Variants in DLG2 observed in about 807,000 individuals in gnomAD.
DLG2 encodes discs large MAGUK scaffold protein 2.
DLG2 carries 45 observed loss-of-function variants against 132.5 expected under a neutral mutation model. The ratio of observed to expected loss-of-function variants is 0.34; its 90% CI spans 0.27 to 0.44. The LOEUF is 0.44. Among genes scored for constraint, DLG2 ranks in the 20% least tolerant of loss-of-function variants. The pLI, the probability that DLG2 is intolerant of heterozygous loss-of-function variation, is 1.00. For synonymous variants in DLG2, 424 were observed against 419.6 expected, an observed-to-expected ratio of 1.01 and a Z score of -0.13; for missense variants, 1,045 against 1,196.9, an observed-to-expected ratio of 0.87 and a Z score of 1.87.
intron 3 of DLG2, among the ~76,000 whole-genome samples, chr11:85,358,759 T>C (rs898442126): frequency 3.9e-5 from 6 of 152,200 alleles, no homozygotes; most frequent in Non-Finnish European, 5.9e-5. Flanking sequence ...AATTAGTAGA[T>C]ATCTGATAAA....
At chr11:83,951,817 A>G (rs1366788821) in intron 14 of DLG2, among the ~76,000 whole-genome samples, 1 of 152,212 alleles carries the variant, frequency 6.6e-6, no homozygotes, top group Non-Finnish European at 1.5e-5. Flanking sequence ...TGAGTAACAA[A>G]GGCAAAAATG....
chr11:85,501,888 T>C (rs766299574), intron 3 of DLG2, among the ~76,000 whole-genome samples: 4 of 152,120 alleles, frequency 2.6e-5, no homozygotes, highest in Non-Finnish European at 5.9e-5. Flanking sequence ...GAACTAGAAA[T>C]ACCATTTGAC....
chr11:84,480,477 A>C (rs2099133961), intron 7 of DLG2, among the ~76,000 whole-genome samples: 1 of 152,170 alleles, frequency 6.6e-6, no homozygotes, highest in African/African-American at 2.4e-5. Context: ...CCCTGTAGAT[A>C]ATTCCTTCAC....
At chr11:83,880,596 G>C (rs190229926) in intron 15 of DLG2, among the ~76,000 whole-genome samples, 4 of 152,286 alleles carry the variant, frequency 2.6e-5, no homozygotes, top group African/African-American at 9.6e-5. Flanking sequence ...AAAATAGACA[G>C]ACTCTGGTGT....
chr11:85,089,234 G>A (rs909174873), intron 6 of DLG2, among the ~76,000 whole-genome samples: 2 of 151,948 alleles, frequency 1.3e-5, no homozygotes, highest in Non-Finnish European at 2.9e-5. Context: ...CGTCATCCAG[G>A]TAGTGACTGC....
At chr11:85,181,258 G>GTA (rs1300375554) in intron 4 of DLG2, among the ~76,000 whole-genome samples, 3 of 151,200 alleles carry the variant, frequency 2.0e-5, no homozygotes, top group African/African-American at 7.3e-5. Flanking sequence ...GTATATATGT[G>GTA]TATATATATG....
intron 18 of DLG2, chr11:83,684,671 A>G (rs1280814143): frequency 6.6e-6 from 1 of 152,102 alleles, no homozygotes; most frequent in Non-Finnish European, 1.5e-5. Context: ...TACTTCCTAT[A>G]TGTCTGAAGT....
intron 16 of DLG2, among the ~76,000 whole-genome samples, chr11:83,839,061 G>A (rs1276933537): frequency 6.6e-6 from 1 of 152,018 alleles, no homozygotes; most frequent in African/African-American, 2.4e-5. Flanking sequence ...ACCCATCTGG[G>A]GGCATTTTGT....
chr11:85,593,712 T>C (rs1334071002), intron 3 of DLG2, among the ~76,000 whole-genome samples: 1 of 152,184 alleles, frequency 6.6e-6, no homozygotes, highest in African/African-American at 2.4e-5. Context: ...GATTAATAAT[T>C]AAGACCAAAA....
intron 6 of DLG2, among the ~76,000 whole-genome samples, chr11:85,051,271 G>T (rs1160809176): frequency 1.3e-5 from 2 of 152,028 alleles, no homozygotes; most frequent in Admixed American, 6.6e-5. Flanking sequence ...ATATATACTT[G>T]CAGTAAAAGC....
chr11:85,555,940 T>C (rs1384812812), intron 3 of DLG2, among the ~76,000 whole-genome samples: 2 of 151,856 alleles, frequency 1.3e-5, no homozygotes, highest in Non-Finnish European at 2.9e-5. Flanking sequence ...TATTTGAGCC[T>C]CAACCATCTG....
rs191212256 is a variant in DLG2, at chr11:85,365,983, A to T, written c.41-80618T>A. ...AGCATTAGGAGAAACACCTAATGTCAGGTTGATGGGTGCAGCAAACCACCA... is the reference window on the plus strand; with the variant it reads ...AGCATTAGGAGAAACACCTAATGTCTGGTTGATGGGTGCAGCAAACCACCA... On this transcript the variant is annotated intron_variant, in intron 3 of 27. Coordinates refer to ENST00000376104, the MANE Select transcript of DLG2 (RefSeq NM_001142699.3). 2.4e-3 allele frequency among the ~76,000 whole-genome samples: 370 copies of T among 152,260 alleles called. 5 individuals carry two copies. Among genetic ancestry groups the T allele is most frequent in the Admixed American group, 0.021 (315 of 15,278 alleles).
intron 20 of DLG2, among the ~76,000 whole-genome samples, chr11:83,534,631 G>A (rs766353166): frequency 3.3e-5 from 5 of 152,124 alleles, no homozygotes; most frequent in East Asian, 1.9e-4. Flanking sequence ...CAACTCTAAC[G>A]TAATATATTA....
intron 8 of DLG2, among the ~76,000 whole-genome samples, chr11:84,239,565 T>C (rs1190493621): frequency 6.6e-6 from 1 of 152,158 alleles, no homozygotes; most frequent in Non-Finnish European, 1.5e-5. Context: ...AGGAATATGG[T>C]AAATACTAAT....
intron 3 of DLG2, among the ~76,000 whole-genome samples, chr11:85,465,972 T>C (rs951914087): frequency 6.7e-4 from 102 of 152,192 alleles, no homozygotes; most frequent in Non-Finnish European, 1.3e-3. Context: ...CACCTGTTGT[T>C]TCCTGACTTT....
At chr11:85,503,279 T>C (rs1390150287) in intron 3 of DLG2, among the ~76,000 whole-genome samples, 1 of 152,134 alleles carries the variant, frequency 6.6e-6, no homozygotes, top group Non-Finnish European at 1.5e-5. Flanking sequence ...GACACTTCTT[T>C]TCTTACTCCC....
chr11:84,165,803 C>T (rs1275048189), intron 8 of DLG2, among the ~76,000 whole-genome samples: 2 of 152,072 alleles, frequency 1.3e-5, no homozygotes, highest in Admixed American at 6.5e-5. Context: ...GAGGCTGAGG[C>T]AGAAGAATTG....
intron 3 of DLG2, among the ~76,000 whole-genome samples, chr11:85,323,331 T>C (rs574836976): frequency 6.6e-6 from 1 of 152,268 alleles, no homozygotes; most frequent in Non-Finnish European, 1.5e-5. Flanking sequence ...AAAGCATTTG[T>C]TGCACAGATA....
chr11:84,069,490 A>G (rs2096725200), intron 10 of DLG2, among the ~76,000 whole-genome samples: 1 of 152,178 alleles, frequency 6.6e-6, no homozygotes, highest in Non-Finnish European at 1.5e-5. Flanking sequence ...AAACTCTTTT[A>G]CTGACTCCCT....
Sources: gnomAD v4.1 joint callset for allele counts (sites outside exome capture counted in the v4.1 genomes callset) on GRCh38, gnomAD v4.1.1 for gene constraint, MANE v1.5 for transcripts, NCBI Gene and HGNC (gene_info 2026-07-23, HGNC 2026-07-21) for gene names.